THSD4: variants seen among roughly 807,000 people sequenced by gnomAD.
THSD4 encodes the protein thrombospondin type-1 domain-containing protein 4.
Under a neutral mutation model 119.0 loss-of-function variants are expected in THSD4, and 69 were observed. That is an observed-to-expected ratio of 0.58 (90% CI 0.48 to 0.71). THSD4 has a LOEUF of 0.71. Among genes scored for constraint, THSD4 ranks in the 30% least tolerant of loss-of-function variants. The pLI is 0.00. For synonymous variants in THSD4, 524 were observed against 540.4 expected, an observed-to-expected ratio of 0.97 and a Z score of 0.42; for missense variants, 1,393 against 1,391.1, an observed-to-expected ratio of 1.00 and a Z score of -0.02.
At chr15:71,172,492 T>G (rs2043378492) in intron 3 of THSD4, among the ~76,000 whole-genome samples, 2 of 150,942 alleles carry the variant, frequency 1.3e-5, no homozygotes, top group Non-Finnish European at 3.0e-5. Context: ...AAACTGATGA[T>G]TAAAAATTCT....
chr15:71,601,277 A>G lies in THSD4; in HGVS notation c.1153-59253A>G, dbSNP rs536667345. On this transcript the variant is annotated intron_variant, in intron 7 of 17. Transcript: ENST00000261862. ...CAGATCCTCTCCCTTTATTGCCTCA[A>G]TGATTGGCTGGGGGTAGTGGGGAGA... Among the ~76,000 whole-genome samples the G allele has an allele frequency of 5.3e-5, 8 of 152,280 alleles. No individual in the cohort carries two copies. In the East Asian group the frequency reaches 1.2e-3, roughly 22 times the overall value.
intron 6 of THSD4, among the ~76,000 whole-genome samples, chr15:71,407,342 G>T (rs1441363): frequency 6.6e-6 from 1 of 152,030 alleles, no homozygotes; most frequent in East Asian, 1.9e-4. Context: ...CAGCTTTCTT[G>T]GGTCGGCTAA....
At chr15:71,769,953 T>C (rs1335518193) in intron 16 of THSD4, among the ~76,000 whole-genome samples, 2 of 69,976 alleles carry the variant, frequency 2.9e-5, no homozygotes, top group Non-Finnish European at 5.3e-5. Context: ...AAAAAAAGAA[T>C]GGACTTTCCC....
intron 7 of THSD4, among the ~76,000 whole-genome samples, chr15:71,591,559 C>T (rs982302301): frequency 3.9e-5 from 6 of 152,246 alleles, no homozygotes; most frequent in Admixed American, 2.0e-4. Context: ...CCATGTGTGG[C>T]AGATGACACT....
chr15:71,104,686 A>C (rs1309714361), intron 1 of THSD4, among the ~76,000 whole-genome samples: 1 of 152,210 alleles, frequency 6.6e-6, no homozygotes, highest in Non-Finnish European at 1.5e-5. Flanking sequence ...AAATTCACAC[A>C]TGGAAGGTAT....
chr15:71,162,592 T>A (rs1400145109), intron 3 of THSD4, among the ~76,000 whole-genome samples: 1 of 152,048 alleles, frequency 6.6e-6, no homozygotes, highest in East Asian at 1.9e-4. Flanking sequence ...AGTTTGTTTA[T>A]AATGTGCCCC....
At chr15:71,642,229 AG>A (rs2050872320) in intron 7 of THSD4, among the ~76,000 whole-genome samples, 1 of 152,232 alleles carries the variant, frequency 6.6e-6, no homozygotes, top group Non-Finnish European at 1.5e-5. Flanking sequence ...GATCATCTGA[AG>A]GTGTGTTAAA....
chr15:71,355,630 G>A (rs1351660018), intron 6 of THSD4, among the ~76,000 whole-genome samples: 3 of 152,156 alleles, frequency 2.0e-5, no homozygotes, highest in Non-Finnish European at 4.4e-5. Flanking sequence ...TCAGTTAGGA[G>A]AGGAAAGAGG....
intron 6 of THSD4, among the ~76,000 whole-genome samples, chr15:71,384,554 C>A (rs1207416744): frequency 6.6e-6 from 1 of 152,168 alleles, no homozygotes; most frequent in Non-Finnish European, 1.5e-5. Context: ...TTAGCAGATT[C>A]AATTTTTCTT....
chr15:71,730,817 T>C (rs1050607596), intron 9 of THSD4: 1 of 361,048 alleles, frequency 2.8e-6, no homozygotes, highest in Non-Finnish European at 5.3e-6. Context: ...CTGAGCAAAA[T>C]CTAAGGACAG....
chr15:71,412,231 C>T (rs1267172245), intron 7 of THSD4, among the ~76,000 whole-genome samples: 1 of 152,192 alleles, frequency 6.6e-6, no homozygotes, highest in Non-Finnish European at 1.5e-5. Context: ...TATCTTGCCT[C>T]TCCCCAGAAG....
intron 7 of THSD4, among the ~76,000 whole-genome samples, chr15:71,463,186 A>G (rs1282971719): frequency 2.0e-5 from 3 of 152,146 alleles, no homozygotes; most frequent in African/African-American, 7.2e-5. Context: ...CAGCCCATTG[A>G]AGTCATTCTG....
intron 8 of THSD4, among the ~76,000 whole-genome samples, chr15:71,725,733 C>T (rs1428064336): frequency 6.6e-6 from 1 of 151,960 alleles, no homozygotes; most frequent in Non-Finnish European, 1.5e-5. Flanking sequence ...ATGATGGAGG[C>T]AGAAGCCAGA....
At chr15:71,526,335 C>T (rs1234912948) in intron 7 of THSD4, among the ~76,000 whole-genome samples, 1 of 152,174 alleles carries the variant, frequency 6.6e-6, no homozygotes, top group East Asian at 1.9e-4. Flanking sequence ...CTAAATATTT[C>T]CTCTCTTAAA....
chr15:71,167,808 C>G (rs1397211989), intron 3 of THSD4, among the ~76,000 whole-genome samples: 2 of 152,040 alleles, frequency 1.3e-5, no homozygotes, highest in Non-Finnish European at 2.9e-5. Context: ...CACTTTTTTT[C>G]TCAATACAAT....
At chr15:71,594,186 G>T (rs11637110) in intron 7 of THSD4, among the ~76,000 whole-genome samples, 1 of 151,406 alleles carries the variant, frequency 6.6e-6, no homozygotes, top group South Asian at 2.1e-4. Flanking sequence ...TTTCACTCCA[G>T]TCTGTTCCCA....
chr15:71,563,955 G>C (rs2049175388), intron 7 of THSD4, among the ~76,000 whole-genome samples: 1 of 152,148 alleles, frequency 6.6e-6, no homozygotes, highest in Admixed American at 6.5e-5. Flanking sequence ...TTTTCCATCA[G>C]TTGTCTTGGT....
chr15:71,107,462 A>G (rs1403911627), intron 1 of THSD4, among the ~76,000 whole-genome samples: 1 of 152,156 alleles, frequency 6.6e-6, no homozygotes, highest in Non-Finnish European at 1.5e-5. Flanking sequence ...AGGAAAAAGA[A>G]AAGAAAGGAA....
intron 3 of THSD4, among the ~76,000 whole-genome samples, chr15:71,169,161 T>C (rs1002377909): frequency 1.3e-5 from 2 of 152,224 alleles, no homozygotes; most frequent in Non-Finnish European, 2.9e-5. Context: ...TGTGAGATGA[T>C]ATCCAAATGG....
Sources: allele counts gnomAD v4.1 joint callset (sites outside exome capture counted in the v4.1 genomes callset), GRCh38; gene constraint gnomAD v4.1.1; transcripts MANE v1.5; gene names NCBI Gene and HGNC (gene_info 2026-07-23, HGNC 2026-07-21).